The following EXOC5 variants were observed in gnomAD, a reference collection of about 807,000 sequenced individuals.
The protein encoded by EXOC5 is SEC10-like 1.
A neutral mutation model predicts 90.8 loss-of-function variants in EXOC5; 17 were observed. The observed-to-expected ratio is 0.19, with a 90% CI of 0.13 to 0.28. EXOC5 has a LOEUF of 0.28. Ranked by LOEUF, EXOC5 falls within the 10% of genes least tolerant of loss-of-function variation. The probability of loss-of-function intolerance (pLI) is 1.00; values close to 1 mark genes in which losing one functional copy is unlikely to be tolerated. For missense variants in EXOC5, 569 were observed against 830.6 expected (o/e 0.69, Z 3.87); for synonymous variants, 260 against 270.0 (o/e 0.96, Z 0.36).
At chr14:57,230,020 G>C (rs998246964) in intron 11 of EXOC5, 139 bp from the exon 12 acceptor site, 1 of 434,504 alleles carries the variant, frequency 2.3e-6, no homozygotes, top group African/African-American at 2.0e-5. Context: ...CCAATAACTA[G>C]TTTTGTGAAA....
intron 6 of EXOC5, among the ~76,000 whole-genome samples, chr14:57,236,422 A>T (rs535099850): frequency 1.1e-3 from 169 of 151,224 alleles, no homozygotes; most frequent in African/African-American, 4.0e-3. Flanking sequence ...AGTAGCTAGG[A>T]TTATAGACAC....
At chr14:57,228,919 T>C (rs1001422356) in intron 12 of EXOC5, among the ~76,000 whole-genome samples, 1 of 152,196 alleles carries the variant, frequency 6.6e-6, no homozygotes, top group Non-Finnish European at 1.5e-5. Flanking sequence ...GCTACTATTA[T>C]TTGTTTCATA....
In EXOC5 at chr14:57,204,961, T is replaced by C. The variant is rs184268395; in HGVS notation, c.*3648A>G. The C allele has an allele frequency of 2.6e-5, 4 of 151,972 alleles. No individual in the cohort carries two copies. The highest frequency in any genetic ancestry group is 4.4e-5 in the Non-Finnish European group (3 of 67,864). 9.4% of individuals were successfully genotyped at this position (151,972 alleles called of 1,614,324 possible). On this transcript the variant is annotated 3_prime_UTR_variant, in exon 18 of 18. Coordinates refer to ENST00000621441, the MANE Select transcript of EXOC5 (RefSeq NM_006544.4). Reference sequence around the variant, plus strand: ...TTAACGTTACGTAAGGAGAATAGCATATAGAACCTAAAAGTGAGTGAGAAA... The same window carrying C: ...TTAACGTTACGTAAGGAGAATAGCACATAGAACCTAAAAGTGAGTGAGAAA...
chr14:57,230,825 A>C (rs1883460274), intron 11 of EXOC5, among the ~76,000 whole-genome samples: 1 of 152,074 alleles, frequency 6.6e-6, no homozygotes, highest in Admixed American at 6.6e-5. Context: ...TAAACTACAA[A>C]CTATTTTCTA....
chr14:57,250,591 T>A (rs544111078), intron 1 of EXOC5, among the ~76,000 whole-genome samples: 1 of 152,222 alleles, frequency 6.6e-6, no homozygotes, highest in South Asian at 2.1e-4. Flanking sequence ...TGAGAACACA[T>A]GGGGGCTGGG....
chr14:57,213,061 C>T (rs1424537544), intron 15 of EXOC5, among the ~76,000 whole-genome samples: 2 of 151,560 alleles, frequency 1.3e-5, no homozygotes, highest in Non-Finnish European at 2.9e-5. Flanking sequence ...ACACTTACAC[C>T]GCCATCCTGT....
chr14:57,224,702 G>A (rs1005824595), intron 12 of EXOC5, among the ~76,000 whole-genome samples: 3 of 152,090 alleles, frequency 2.0e-5, no homozygotes, highest in African/African-American at 7.2e-5. Flanking sequence ...AGGGGTGGTG[G>A]AAATATTTCC....
chr14:57,214,399 T>C (rs1372481291), intron 15 of EXOC5, among the ~76,000 whole-genome samples: 1 of 152,138 alleles, frequency 6.6e-6, no homozygotes, highest in Non-Finnish European at 1.5e-5. Flanking sequence ...ACTCAAAAAA[T>C]TTCAAGTTTC....
chr14:57,268,817 G>C lies in EXOC5; in HGVS notation c.-169C>G. The stretch of plus-strand genomic sequence containing the variant: ...CCAGGAGGGGCGGGAGAGCGGCCAT[G>C]AAGCGAAGCCGCAAACGCTTGTCAG... On this transcript the variant is annotated 5_prime_UTR_variant, in exon 1 of 18. Coordinates refer to ENST00000621441, the MANE Select transcript of EXOC5 (RefSeq NM_006544.4). The C allele has an allele frequency of 7.2e-7, 1 of 1,388,040 alleles. No individual in the cohort carries two copies. The highest frequency in any genetic ancestry group is 1.6e-5 in the South Asian group (1 of 63,556). The allele number at this position is 1,388,040 out of a possible 1,614,324, so 86.0% of individuals were successfully genotyped here. A position where few individuals can be genotyped will look rare whatever the true frequency, so the allele number is the denominator to read the frequency against.
intron 1 of EXOC5, among the ~76,000 whole-genome samples, chr14:57,261,779 C>A (rs1051038988): frequency 2.0e-5 from 3 of 152,358 alleles, no homozygotes; most frequent in Admixed American, 6.5e-5. Flanking sequence ...GGAGTTCAGC[C>A]AGAGCCAAGG....
rs986052266 is a variant in EXOC5 at position 57,203,965 on chromosome 14, T to C, written c.*4644A>G. 1.3e-5 allele frequency: 2 copies of C among 152,614 alleles called. No individual in the cohort carries two copies. The highest frequency in any genetic ancestry group is 2.4e-5 in the African/African-American group (1 of 41,444). The allele number at this position is 152,614 out of a possible 1,614,324, so 9.5% of individuals were successfully genotyped here. ...CATCACTGCTGTCTAGCAAAATCTATGCCTTCTGAATAAATGACTTTCCTC... is the reference window on the plus strand; with the variant it reads ...CATCACTGCTGTCTAGCAAAATCTACGCCTTCTGAATAAATGACTTTCCTC... On this transcript the variant is annotated 3_prime_UTR_variant, in exon 18 of 18. Transcript: ENST00000621441.
rs200056256 is a variant in EXOC5 at position 57,267,263 on chromosome 14, A to AT, written c.27+1358dup. 6.1e-3 allele frequency among the ~76,000 whole-genome samples: 933 copies of AT among 152,322 alleles called. 2 individuals carry two copies. The highest frequency in any genetic ancestry group is 0.011 in the Non-Finnish European group (736 of 68,024). On this transcript the variant is annotated intron_variant, in intron 1 of 17. Coordinates refer to ENST00000621441, the MANE Select transcript of EXOC5 (RefSeq NM_006544.4). ...CCCAACACTTAAGTGAGAAAATACAATATCTCTGAAGTCTTTCTTGTAATT... is the reference window on the plus strand; with the variant it reads ...CCCAACACTTAAGTGAGAAAATACAATTATCTCTGAAGTCTTTCTTGTAATT...
chr14:57,216,876 C>T (rs925798781), intron 15 of EXOC5, among the ~76,000 whole-genome samples: 2 of 152,086 alleles, frequency 1.3e-5, no homozygotes, highest in Non-Finnish European at 2.9e-5. Context: ...CCATACATCT[C>T]AGAGGTGTTT....
At chr14:57,233,576 A>G (rs930842967) in intron 9 of EXOC5, among the ~76,000 whole-genome samples, 167 bp downstream of exon 9, 1 of 152,184 alleles carries the variant, frequency 6.6e-6, no homozygotes, top group African/African-American at 2.4e-5. Flanking sequence ...TTCTTGGTGA[A>G]TACAAAACAT....
At chr14:57,242,562 A>C (rs1883901342) in intron 4 of EXOC5, among the ~76,000 whole-genome samples, 1 of 152,148 alleles carries the variant, frequency 6.6e-6, no homozygotes. Context: ...AAAAAAGAAC[A>C]ATTAAAAAAA....
In EXOC5 at chr14:57,225,008, G is replaced by C. The variant is rs866271535; in HGVS notation, c.1297-2592C>G. 2.0e-5 allele frequency among the ~76,000 whole-genome samples: 3 copies of C among 152,234 alleles called. No individual in the cohort carries two copies. The South Asian group carries it at 6.2e-4, about 32-fold the overall frequency. On this transcript the variant is annotated intron_variant, in intron 12 of 17. Transcript: ENST00000621441. The stretch of plus-strand genomic sequence containing the variant: ...ACTGAAGAGGAGGAGGTTGCAGTGA[G>C]CCGAGATCGTGCCACTGCACTCCAG...
intron 12 of EXOC5, among the ~76,000 whole-genome samples, chr14:57,224,891 G>A (rs1280693063): frequency 2.0e-5 from 3 of 152,074 alleles, no homozygotes; most frequent in Non-Finnish European, 4.4e-5. Flanking sequence ...GCGAAACCCT[G>A]TCTCTACTAA....
In EXOC5 at chr14:57,268,656, G is replaced by A. The variant is rs750748852; in HGVS notation, c.-8C>T. 1 of 1,586,204 alleles carries A rather than the reference G, an allele frequency of 6.3e-7. No homozygotes were observed. The highest frequency in any genetic ancestry group is 8.5e-7 in the Non-Finnish European group (1 of 1,173,600). On this transcript the variant is annotated 5_prime_UTR_variant, in exon 1 of 18. Coordinates refer to ENST00000621441, the MANE Select transcript of EXOC5 (RefSeq NM_006544.4). Reference sequence around the variant, plus strand: ...CTCGGCCGTGGTAGCCATCCCGGCCGGCTGAGAGGCTCGCCCCCCACTGGA... The same window carrying A: ...CTCGGCCGTGGTAGCCATCCCGGCCAGCTGAGAGGCTCGCCCCCCACTGGA...
intron 1 of EXOC5, among the ~76,000 whole-genome samples, chr14:57,251,006 C>T (rs1432055122): frequency 6.6e-6 from 1 of 152,164 alleles, no homozygotes; most frequent in Admixed American, 6.5e-5. Context: ...ATAAAACAGA[C>T]AGGATTCTGG....
Sources: allele counts gnomAD v4.1 joint callset (sites outside exome capture counted in the v4.1 genomes callset), GRCh38; gene constraint gnomAD v4.1.1; transcripts MANE v1.5; gene names NCBI Gene and HGNC (gene_info 2026-07-23, HGNC 2026-07-21).